SLC8A1: variants seen among roughly 807,000 people sequenced by gnomAD.
SLC8A1 encodes sodium/calcium exchanger 1.
SLC8A1 carries 18 observed loss-of-function variants against 68.3 expected under a neutral mutation model. The observed-to-expected ratio is 0.26, with a 90% confidence interval of 0.18 to 0.39. The LOEUF is 0.39. Among genes scored for constraint, SLC8A1 ranks in the 10% least tolerant of loss-of-function variants. The probability of loss-of-function intolerance (pLI) is 1.00; values close to 1 mark genes in which losing one functional copy is unlikely to be tolerated. For synonymous variants in SLC8A1, 475 were observed against 415.5 expected, an observed-to-expected ratio of 1.14 and a Z score of -1.74; for missense variants, 985 against 1,156.7, an observed-to-expected ratio of 0.85 and a Z score of 2.15.
intron 2 of SLC8A1, among the ~76,000 whole-genome samples, chr2:40,407,681 T>C (rs1015329556): frequency 3.3e-5 from 5 of 152,310 alleles, no homozygotes; most frequent in Non-Finnish European, 7.3e-5. Context: ...TGTCAATTTC[T>C]TTCCAAAAAG....
chr2:40,507,763 A>G (rs1270006474), intron 1 of SLC8A1, among the ~76,000 whole-genome samples: 1 of 152,052 alleles, frequency 6.6e-6, no homozygotes, highest in East Asian at 1.9e-4. Context: ...GAATTAATAA[A>G]TTAATACCTG....
chr2:40,122,234 G>GCA lies in SLC8A1; in HGVS notation c.2438-6606_2438-6605insTG, dbSNP rs1268327938. ...CACACACACACACACACGTGTGCGC[G>GCA]CGCACACACACACACACACTTCACT... On this transcript the variant is annotated intron_variant, in intron 7 of 7. Coordinates refer to ENST00000406785, the Ensembl canonical transcript of SLC8A1. 2.5e-3 allele frequency among the ~76,000 whole-genome samples: 333 copies of GCA among 132,814 alleles called. 1 individual carries two copies. The highest frequency in any genetic ancestry group is 8.8e-3 in the African/African-American group (312 of 35,344). The allele number at this position is 132,814 out of a possible 152,430, so 87.1% of individuals were successfully genotyped here.
intron 2 of SLC8A1, among the ~76,000 whole-genome samples, chr2:40,273,964 A>T (rs965088267): frequency 3.3e-5 from 5 of 151,278 alleles, no homozygotes; most frequent in Admixed American, 3.3e-4. Context: ...CTGTCCCCCA[A>T]GGCTGCGGCA....
chr2:40,280,251 T>A (rs376390734), intron 2 of SLC8A1, among the ~76,000 whole-genome samples: 114 of 94,424 alleles, frequency 1.2e-3, no homozygotes, highest in Non-Finnish European at 1.3e-3. Context: ...AAATAAACAC[T>A]AAAAAAAAAA....
intron 2 of SLC8A1, among the ~76,000 whole-genome samples, chr2:40,362,122 T>C (rs1674812440): frequency 6.6e-6 from 1 of 151,872 alleles, no homozygotes; most frequent in South Asian, 2.1e-4. Context: ...CTCGAACTCC[T>C]GGACTCAAGT....
intron 4 of SLC8A1, among the ~76,000 whole-genome samples, chr2:40,168,788 T>C (rs147952622): frequency 2.0e-5 from 3 of 152,320 alleles, no homozygotes; most frequent in East Asian, 1.9e-4. Context: ...TTTTCTCAGA[T>C]GGAAAATATA....
intron 7 of SLC8A1, among the ~76,000 whole-genome samples, chr2:40,133,940 G>C (rs1306739890): frequency 6.6e-6 from 1 of 152,008 alleles, no homozygotes; most frequent in East Asian, 1.9e-4. Context: ...AAAAGGCTGG[G>C]CTCCAAATGC....
chr2:40,378,697 C>A (rs542267873), intron 2 of SLC8A1, among the ~76,000 whole-genome samples: 91 of 152,052 alleles, frequency 6.0e-4, no homozygotes, highest in Non-Finnish European at 1.2e-3. Flanking sequence ...GAGTCAGACA[C>A]ATGGAGAGAA....
intron 4 of SLC8A1, among the ~76,000 whole-genome samples, chr2:40,167,358 T>A (rs1016690490): frequency 7.2e-5 from 11 of 152,218 alleles, no homozygotes; most frequent in Admixed American, 1.3e-4. Flanking sequence ...AAAAATTTTT[T>A]AATTTTACTT....
chr2:40,430,185 A>G (rs757827756), exon 2 of SLC8A1: 82 of 1,613,650 alleles, frequency 5.1e-5, no homozygotes, highest in Admixed American at 1.0e-4. Context: ...CAGCAATTAC[A>G]TGGTCCACAT....
At chr2:40,383,736 G>T (rs1366905157) in intron 2 of SLC8A1, among the ~76,000 whole-genome samples, 1 of 151,972 alleles carries the variant, frequency 6.6e-6, no homozygotes. Context: ...CAATTTATTT[G>T]GCAAGACACT....
chr2:40,313,302 A>G (rs576132928), intron 2 of SLC8A1, among the ~76,000 whole-genome samples: 106 of 152,198 alleles, frequency 7.0e-4, no homozygotes, highest in Non-Finnish European at 1.3e-3. Flanking sequence ...GCTGAGTAGT[A>G]TTGCTGTGTA....
exon 8 of SLC8A1, chr2:40,109,392 G>C (rs931034954): frequency 6.6e-6 from 1 of 152,102 alleles, no homozygotes; most frequent in African/African-American, 2.4e-5. Flanking sequence ...AGAATAAAAG[G>C]CTAGGTCGAT....
chr2:40,275,325 A>T (rs1354159312), intron 2 of SLC8A1, among the ~76,000 whole-genome samples: 1 of 152,246 alleles, frequency 6.6e-6, no homozygotes, highest in Non-Finnish European at 1.5e-5. Context: ...GAGAGAACTT[A>T]TGTTCTTAAC....
At chr2:40,129,342 C>A (rs572909971) in intron 7 of SLC8A1, among the ~76,000 whole-genome samples, 1 of 152,038 alleles carries the variant, frequency 6.6e-6, no homozygotes, top group Non-Finnish European at 1.5e-5. Context: ...GTGATCCTCC[C>A]ATCTCAGCCT....
At chr2:40,282,957 CCTGA>C (rs931077133) in intron 2 of SLC8A1, among the ~76,000 whole-genome samples, 1 of 152,098 alleles carries the variant, frequency 6.6e-6, no homozygotes, top group African/African-American at 2.4e-5. Context: ...CCCAAATGAT[CCTGA>C]CTTATTAAAG....
chr2:40,125,157 G>A (rs976861470), intron 7 of SLC8A1, among the ~76,000 whole-genome samples: 23 of 152,084 alleles, frequency 1.5e-4, no homozygotes, highest in Admixed American at 2.6e-4. Context: ...AGGAGTGAAC[G>A]GCTGAATTTC....
At chr2:40,260,303 C>G (rs370378533) in intron 2 of SLC8A1, among the ~76,000 whole-genome samples, 2 of 152,332 alleles carry the variant, frequency 1.3e-5, no homozygotes, top group South Asian at 2.1e-4. Flanking sequence ...TCAGAGCTCA[C>G]TGAAAATCCA....
rs867254324 is a variant in SLC8A1, at chr2:40,302,023, G to A, written c.1809-124168C>T. The stretch of plus-strand genomic sequence containing the variant: ...TATTACAGGCACCTGCCACCACACC[G>A]GGCTAATCTGTGTGTGTGTGTGTGT... On this transcript the variant is annotated intron_variant, in intron 2 of 7. Transcript: ENST00000406785. Among the ~76,000 whole-genome samples, 8 of 144,636 alleles carry A rather than the reference G, an allele frequency of 5.5e-5. No homozygotes were observed. The South Asian group carries it at 1.4e-3, about 25-fold the overall frequency. The allele number at this position is 144,636 out of a possible 152,430, so 94.9% of individuals were successfully genotyped here.
Sources: allele counts gnomAD v4.1 joint callset (sites outside exome capture counted in the v4.1 genomes callset), GRCh38; gene constraint gnomAD v4.1.1; transcripts MANE v1.5; gene names NCBI Gene and HGNC (gene_info 2026-07-23, HGNC 2026-07-21).